Variants in RBMS3 observed in about 807,000 individuals in gnomAD.
RBMS3 encodes the protein RNA-binding motif, single-stranded-interacting protein 3.
A neutral mutation model predicts 66.8 loss-of-function variants in RBMS3; 27 were observed. The ratio of observed to expected loss-of-function variants is 0.40; its 90% CI spans 0.30 to 0.56. The LOEUF (loss-of-function observed/expected upper bound fraction) is 0.56. Ranked by LOEUF, RBMS3 falls within the 20% of genes least tolerant of loss-of-function variation. RBMS3 has a pLI of 0.40. For synonymous variants in RBMS3, 188 were observed against 183.0 expected (o/e 1.03, Z -0.22); for missense variants, 513 against 549.5 (o/e 0.93, Z 0.66).
chr3:29,375,202 T>A (rs916078000), intron 1 of RBMS3, among the ~76,000 whole-genome samples: 9 of 152,092 alleles, frequency 5.9e-5, no homozygotes, highest in Non-Finnish European at 1.3e-4. Context: ...ATATAGGAAA[T>A]CAACTCAAGT....
At chr3:29,625,557 G>T (rs921967460) in intron 4 of RBMS3, among the ~76,000 whole-genome samples, 2 of 152,012 alleles carry the variant, frequency 1.3e-5, no homozygotes, top group Non-Finnish European at 2.9e-5. Flanking sequence ...ACTGGGCTGG[G>T]TGTGGTGGTG....
chr3:29,468,214 C>A (rs182067178), intron 2 of RBMS3, among the ~76,000 whole-genome samples: 4 of 152,190 alleles, frequency 2.6e-5, no homozygotes, highest in African/African-American at 9.6e-5. Context: ...ACTCTACATG[C>A]TGAAATTGTT....
intron 3 of RBMS3, among the ~76,000 whole-genome samples, chr3:29,582,197 C>T (rs200272040): frequency 7.8e-6 from 1 of 128,840 alleles, no homozygotes; most frequent in East Asian, 2.3e-4. Flanking sequence ...TAGATAGATA[C>T]ACACACACAT....
intron 1 of RBMS3, among the ~76,000 whole-genome samples, chr3:29,360,025 G>GT (rs1168508979): frequency 1.8e-4 from 27 of 151,822 alleles, no homozygotes; most frequent in Admixed American, 6.6e-4. Flanking sequence ...TTTTGGAAGG[G>GT]TTTTTTTTGT....
chr3:29,374,271 G>A (rs766178945), intron 1 of RBMS3, among the ~76,000 whole-genome samples: 17 of 152,190 alleles, frequency 1.1e-4, no homozygotes, highest in Non-Finnish European at 2.2e-4. Flanking sequence ...GAATATATCA[G>A]TAAAGATGTA....
At chr3:29,537,115 T>TA (rs1412273024) in intron 3 of RBMS3, among the ~76,000 whole-genome samples, 3 of 152,182 alleles carry the variant, frequency 2.0e-5, no homozygotes, top group Admixed American at 2.0e-4. Context: ...TTTATTATAT[T>TA]AATAAAAATA....
At chr3:29,570,983 A>G (rs1216719970) in intron 3 of RBMS3, among the ~76,000 whole-genome samples, 1 of 152,086 alleles carries the variant, frequency 6.6e-6, no homozygotes, top group Non-Finnish European at 1.5e-5. Context: ...CAACCTCTCC[A>G]ACATTTGTTA....
At chr3:29,315,370 T>C (rs1281402850) in intron 1 of RBMS3, among the ~76,000 whole-genome samples, 16 of 151,790 alleles carry the variant, frequency 1.1e-4, no homozygotes, top group Non-Finnish European at 4.4e-5. Context: ...GTTTGGTATA[T>C]ACTTCAAAAC....
chr3:29,703,105 ATTGT>A (rs2052705424), intron 4 of RBMS3, among the ~76,000 whole-genome samples: 1 of 152,234 alleles, frequency 6.6e-6, no homozygotes, highest in Non-Finnish European at 1.5e-5. Context: ...TTTAGGTGTG[ATTGT>A]TTATTACAAT....
intron 4 of RBMS3, among the ~76,000 whole-genome samples, chr3:29,666,121 G>A (rs57512987): frequency 0.027 from 4,122 of 152,154 alleles, 126 homozygotes; most frequent in African/African-American, 0.072. Flanking sequence ...GTATTCTCCC[G>A]AATATCCATT....
chr3:29,349,526 T>G (rs2036778616), intron 1 of RBMS3, among the ~76,000 whole-genome samples: 1 of 152,244 alleles, frequency 6.6e-6, no homozygotes, highest in Admixed American at 6.5e-5. Flanking sequence ...CTGAAGCTCC[T>G]CTGTCTTAAC....
chr3:29,485,563 G>A (rs2043289936), intron 2 of RBMS3, among the ~76,000 whole-genome samples: 1 of 152,144 alleles, frequency 6.6e-6, no homozygotes, highest in Non-Finnish European at 1.5e-5. Flanking sequence ...GTATTAGGGA[G>A]TTCCTACTTT....
At chr3:29,506,929 C>T (rs1289440145) in intron 3 of RBMS3, among the ~76,000 whole-genome samples, 3 of 150,406 alleles carry the variant, frequency 2.0e-5, no homozygotes, top group African/African-American at 7.3e-5. Context: ...ATAATATCTC[C>T]TCTTTCATTT....
At chr3:29,715,838 G>A (rs934714012) in intron 4 of RBMS3, among the ~76,000 whole-genome samples, 2 of 152,106 alleles carry the variant, frequency 1.3e-5, no homozygotes, top group Admixed American at 1.3e-4. Context: ...GTGCATCAAT[G>A]CCTTATCATA....
At chr3:29,605,390 T>C (rs2048289794) in intron 4 of RBMS3, among the ~76,000 whole-genome samples, 1 of 151,896 alleles carries the variant, frequency 6.6e-6, no homozygotes, top group South Asian at 2.1e-4. Flanking sequence ...TGAATAATAC[T>C]ATGGAAATTC....
intron 3 of RBMS3, among the ~76,000 whole-genome samples, chr3:29,503,789 T>C (rs997425595): frequency 6.6e-6 from 1 of 152,206 alleles, no homozygotes; most frequent in East Asian, 1.9e-4. Context: ...TTGCAATAGG[T>C]GCCTATAAAG....
Position 29,704,767 on chromosome 3 carries a change from G to A in RBMS3, c.400-34953G>A, listed in dbSNP as rs188770544. ...TCTGATTGAAATAATTTAAAAAATT[G>A]TTAGATAGAAGGGAAGAATGCAGAT... On this transcript the variant is annotated intron_variant, in intron 4 of 14. Transcript: ENST00000383767. Among the ~76,000 whole-genome samples, 66 of 152,280 alleles carry A rather than the reference G, an allele frequency of 4.3e-4. 1 individual carries two copies. The highest frequency in any genetic ancestry group is 1.8e-3 in the Admixed American group (27 of 15,310).
chr3:29,499,589 A>G (rs1307542345), intron 3 of RBMS3, among the ~76,000 whole-genome samples: 1 of 152,182 alleles, frequency 6.6e-6, no homozygotes, highest in East Asian at 1.9e-4. Flanking sequence ...AGAAAATTAC[A>G]AAGTTTTCAT....
intron 3 of RBMS3, among the ~76,000 whole-genome samples, chr3:29,518,728 G>A (rs565886983): frequency 6.6e-6 from 1 of 152,248 alleles, no homozygotes; most frequent in African/African-American, 2.4e-5. Flanking sequence ...GCAATTTGCT[G>A]AAGGCAGAGG....
Sources: gnomAD v4.1 joint callset for allele counts (sites outside exome capture counted in the v4.1 genomes callset) on GRCh38, gnomAD v4.1.1 for gene constraint, MANE v1.5 for transcripts, NCBI Gene and HGNC (gene_info 2026-07-23, HGNC 2026-07-21) for gene names.